Variants in CALD1 observed in about 807,000 individuals in gnomAD.
CALD1 encodes caldesmon 1, also known as caldesmon.
Under a neutral mutation model 99.9 loss-of-function variants are expected in CALD1, and 33 were observed. The observed-to-expected ratio is 0.33, with a 90% CI of 0.25 to 0.44. The LOEUF is 0.44. Among genes scored for constraint, CALD1 ranks in the 20% least tolerant of loss-of-function variants. The pLI, the probability that CALD1 is intolerant of heterozygous loss-of-function variation, is 1.00. For synonymous variants in CALD1, 310 were observed against 325.0 expected (o/e 0.95, Z 0.50); for missense variants, 861 against 962.1 (o/e 0.89, Z 1.39).
intron 1 of CALD1, among the ~76,000 whole-genome samples, chr7:134,789,350 C>CT (rs1447805610): frequency 6.6e-6 from 1 of 152,218 alleles, no homozygotes; most frequent in Non-Finnish European, 1.5e-5. Context: ...TTCTTTACCA[C>CT]TGTGCTATGC....
chr7:134,897,672 GT>G (rs201275848), intron 3 of CALD1, among the ~76,000 whole-genome samples: 2,693 of 151,952 alleles, frequency 0.018, 35 homozygotes, highest in Non-Finnish European at 0.029. Context: ...CAGCATGGAG[GT>G]TTTTTGTTTT....
At chr7:134,886,356 T>C (rs1801850808) in intron 3 of CALD1, among the ~76,000 whole-genome samples, 1 of 151,820 alleles carries the variant, frequency 6.6e-6, no homozygotes, top group Non-Finnish European at 1.5e-5. Context: ...GGAGTAAGAG[T>C]GGGCATAGGA....
chr7:134,769,550 C>T (rs1796859188), intron 1 of CALD1, among the ~76,000 whole-genome samples: 2 of 152,040 alleles, frequency 1.3e-5, no homozygotes, highest in Non-Finnish European at 2.9e-5. Flanking sequence ...ACTGTTTATC[C>T]TATGCCTATT....
In CALD1 at chr7:134,872,357, CAAAAAAAAAAAAAAA is replaced by C. The variant is rs35569742; in HGVS notation, c.71+4564_71+4578del. 3.0e-5 allele frequency among the ~76,000 whole-genome samples: 3 copies of C among 100,444 alleles called. No individual in the cohort carries two copies. In the East Asian group the frequency reaches 1.0e-3, roughly 35 times the overall value. The allele number at this position is 100,444 out of a possible 152,430, so 65.9% of individuals were successfully genotyped here. On this transcript the variant is annotated intron_variant, in intron 3 of 14. Coordinates refer to ENST00000361675, the MANE Select transcript of CALD1 (RefSeq NM_033138.4). ...TAAGTGACGGAGTGAGACTCGGTCT[CAAAAAAAAAAAAAAA>C]AAAAAAAAAACTTCCTTCTTTGTCT... is the stretch of plus-strand genomic sequence containing the variant.
chr7:134,856,633 T>G (rs1301000522), intron 2 of CALD1, among the ~76,000 whole-genome samples: 1 of 152,218 alleles, frequency 6.6e-6, no homozygotes, highest in African/African-American at 2.4e-5. Flanking sequence ...TCCTGTCTTC[T>G]TTTTCTTTCA....
intron 1 of CALD1, among the ~76,000 whole-genome samples, chr7:134,762,891 A>G (rs17133294): frequency 0.071 from 10,862 of 152,230 alleles, 947 homozygotes; most frequent in African/African-American, 0.19. Context: ...GAATCCCACA[A>G]TTTGGAAATG....
intron 3 of CALD1, among the ~76,000 whole-genome samples, chr7:134,900,997 G>A (rs567118427): frequency 2.9e-4 from 44 of 152,156 alleles, no homozygotes; most frequent in African/African-American, 9.6e-4. Flanking sequence ...GAGTTATCTC[G>A]TTGGCTTACT....
chr7:134,900,644 A>T (rs1802922855), intron 3 of CALD1, among the ~76,000 whole-genome samples: 1 of 152,106 alleles, frequency 6.6e-6, no homozygotes, highest in Admixed American at 6.6e-5. Context: ...CCCACTCATG[A>T]CACAGTGTAT....
intron 2 of CALD1, among the ~76,000 whole-genome samples, chr7:134,866,398 G>T (rs1012000201): frequency 2.0e-5 from 3 of 152,090 alleles, no homozygotes; most frequent in African/African-American, 7.2e-5. Flanking sequence ...AATTTCTAAA[G>T]ATTTATAAGC....
At chr7:134,780,306 A>G (rs1797054121) in intron 1 of CALD1, among the ~76,000 whole-genome samples, 1 of 152,228 alleles carries the variant, frequency 6.6e-6, no homozygotes, top group Non-Finnish European at 1.5e-5. Flanking sequence ...AGAGATGGAG[A>G]GATCACTAGC....
the CALD1 span, among the ~76,000 whole-genome samples, chr7:134,737,883 C>T: frequency 6.6e-6 from 1 of 152,146 alleles, no homozygotes; most frequent in South Asian, 2.1e-4. Flanking sequence ...AATTTCTTGG[C>T]TTGGAACTTT....
chr7:134,770,194 T>C (rs1222742323), intron 1 of CALD1, among the ~76,000 whole-genome samples: 2 of 152,178 alleles, frequency 1.3e-5, no homozygotes, highest in African/African-American at 4.8e-5. Flanking sequence ...ACATGAGGCC[T>C]GGGAAATAGT....
chr7:134,768,689 C>A (rs1318619164), intron 1 of CALD1, among the ~76,000 whole-genome samples: 1 of 151,926 alleles, frequency 6.6e-6, no homozygotes, highest in Non-Finnish European at 1.5e-5. Context: ...TTAAAAAAAA[C>A]AAAACAACAA....
intron 1 of CALD1, among the ~76,000 whole-genome samples, chr7:134,815,471 G>T (rs1448451734): frequency 6.6e-6 from 1 of 152,102 alleles, no homozygotes; most frequent in Non-Finnish European, 1.5e-5. Context: ...TCTGCTTGGG[G>T]TTTTGGTACA....
intron 3 of CALD1, among the ~76,000 whole-genome samples, chr7:134,908,814 A>G (rs1803585677): frequency 6.6e-6 from 1 of 151,668 alleles, no homozygotes; most frequent in Admixed American, 6.6e-5. Flanking sequence ...TCAAGAAAAT[A>G]CTATATATAT....
chr7:134,949,379 C>T (rs1414234030), intron 8 of CALD1, among the ~76,000 whole-genome samples: 1 of 152,050 alleles, frequency 6.6e-6, no homozygotes, highest in East Asian at 1.9e-4. Flanking sequence ...TGCATTAAAT[C>T]TCTCAGAAAA....
At chr7:134,787,622 C>T (rs1167902871) in intron 1 of CALD1, among the ~76,000 whole-genome samples, 2 of 152,058 alleles carry the variant, frequency 1.3e-5, no homozygotes, top group Non-Finnish European at 2.9e-5. Flanking sequence ...GTATGTGGAC[C>T]CTAAGAGACA....
chr7:134,785,299 T>C (rs1020761320), intron 1 of CALD1, among the ~76,000 whole-genome samples: 1 of 152,218 alleles, frequency 6.6e-6, no homozygotes, highest in African/African-American at 2.4e-5. Flanking sequence ...GAATCATCCA[T>C]CTCAGAAAGA....
intron 3 of CALD1, among the ~76,000 whole-genome samples, chr7:134,900,569 G>A (rs1222447048): frequency 6.6e-6 from 1 of 152,072 alleles, no homozygotes; most frequent in Non-Finnish European, 1.5e-5. Flanking sequence ...AGCACTAAAT[G>A]GGTACATTCT....
Sources: allele counts gnomAD v4.1 joint callset (sites outside exome capture counted in the v4.1 genomes callset), GRCh38; gene constraint gnomAD v4.1.1; transcripts MANE v1.5; gene names NCBI Gene and HGNC (gene_info 2026-07-23, HGNC 2026-07-21).